Variants in TNFRSF8 observed in about 807,000 individuals in gnomAD.
TNFRSF8 encodes TNF receptor superfamily member 8.
TNFRSF8 carries 26 observed loss-of-function variants against 70.8 expected under a neutral mutation model. The ratio of observed to expected loss-of-function variants is 0.37; its 90% CI spans 0.27 to 0.51. The LOEUF is 0.51. Ranked by LOEUF, TNFRSF8 falls within the 20% of genes least tolerant of loss-of-function variation. TNFRSF8 has a pLI of 0.94. For missense variants in TNFRSF8, 720 were observed against 807.9 expected, an observed-to-expected ratio of 0.89 and a Z score of 1.32; for synonymous variants, 356 against 339.2, an observed-to-expected ratio of 1.05 and a Z score of -0.54.
chr1:12,132,792 C>A (rs1402448129), intron 12 of TNFRSF8, among the ~76,000 whole-genome samples: 1 of 132,792 alleles, frequency 7.5e-6, no homozygotes, highest in African/African-American at 2.8e-5. Context: ...GAGCTGAGAA[C>A]GTGCCACTAC....
chr1:12,098,365 G>A (rs764632077), intron 3 of TNFRSF8, among the ~76,000 whole-genome samples: 10 of 152,008 alleles, frequency 6.6e-5, no homozygotes, highest in Non-Finnish European at 1.5e-4. Flanking sequence ...TAAAATTCAA[G>A]CAATACAAAG....
At chr1:12,101,409 A>ATTC (rs937838007) in intron 3 of TNFRSF8, among the ~76,000 whole-genome samples, 1 of 149,880 alleles carries the variant, frequency 6.7e-6, no homozygotes, top group Non-Finnish European at 1.5e-5. Flanking sequence ...CCTGGGCAAC[A>ATTC]GAGCAAGACC....
At position 12,108,003 on chromosome 1, in the gene TNFRSF8, G is replaced by A. The variant is rs972495495; in HGVS notation, c.422-1563G>A. Among the ~76,000 whole-genome samples, 3 of 151,862 alleles carry A rather than the reference G, an allele frequency of 2.0e-5. No individual in the cohort carries two copies. The highest frequency in any genetic ancestry group is 7.2e-5 in the African/African-American group (3 of 41,384). ...ATCACTCCACCATGCCACAGAACAC[G>A]AGAGGTCAGCATTGCTCGCGCTCAC... On this transcript the variant is annotated intron_variant, in intron 4 of 14. Coordinates refer to ENST00000263932, the MANE Select transcript of TNFRSF8 (RefSeq NM_001243.5). The surrounding 1 kb of genome is among the most constrained non-coding windows in gnomAD (Gnocchi z 4.0).
rs956612103 is a variant in TNFRSF8 at position 12,110,334 on chromosome 1, G to A, written c.676+130G>A. The stretch of plus-strand genomic sequence containing the variant: ...TTCCTGGTGGGGAGAGAAGACGGTG[G>A]TAAGGTATGATCTAGGGCTGAAAGC... On this transcript the variant is annotated intron_variant, in intron 6 of 14. Transcript: ENST00000263932. The surrounding 1 kb of genome is among the most constrained non-coding windows in gnomAD (Gnocchi z 4.0). 1.1e-5 allele frequency: 11 copies of A among 985,820 alleles called. No homozygotes were observed. The East Asian group carries it at 2.2e-4, about 20-fold the overall frequency. The allele number at this position is 985,820 out of a possible 1,614,324, so 61.1% of individuals were successfully genotyped here. A position where few individuals can be genotyped will look rare whatever the true frequency, so the allele number is the denominator to read the frequency against.
At chr1:12,075,652 T>A (rs1400473836) in intron 1 of TNFRSF8, among the ~76,000 whole-genome samples, 4 of 152,224 alleles carry the variant, frequency 2.6e-5, no homozygotes, top group Non-Finnish European at 4.4e-5. Context: ...TAAGGAGACG[T>A]ATATGAGCAC....
rs551044812 is a variant in TNFRSF8 at position 12,108,330 on chromosome 1, G to A, written c.422-1236G>A. Reference sequence around the variant, plus strand: ...CCTGACCTCATGATCCGCCCACCTCGGCCTCCCAAAGTGTTGGGATTACAG... The same window carrying A: ...CCTGACCTCATGATCCGCCCACCTCAGCCTCCCAAAGTGTTGGGATTACAG... On this transcript the variant is annotated intron_variant, in intron 4 of 14. Transcript: ENST00000263932. The surrounding 1 kb of genome is among the most constrained non-coding windows in gnomAD (Gnocchi z 4.0). Among the ~76,000 whole-genome samples, 4 of 151,540 alleles carry A rather than the reference G, an allele frequency of 2.6e-5. No individual in the cohort carries two copies. The highest frequency in any genetic ancestry group is 5.9e-5 in the Non-Finnish European group (4 of 67,902).
chr1:12,111,338 C>T (rs1641626331), intron 6 of TNFRSF8, among the ~76,000 whole-genome samples: 1 of 152,036 alleles, frequency 6.6e-6, no homozygotes, highest in South Asian at 2.1e-4. Flanking sequence ...CCTGCCACCA[C>T]ATTTGGCTAC....
intron 2 of TNFRSF8, among the ~76,000 whole-genome samples, chr1:12,093,226 TG>T (rs1161927224): frequency 6.6e-6 from 1 of 152,178 alleles, no homozygotes; most frequent in Non-Finnish European, 1.5e-5. Context: ...CCTGAGGTAC[TG>T]GGGGTTAGGA....
Position 12,109,428 on chromosome 1 carries a change from G to A in TNFRSF8, c.422-138G>A, listed in dbSNP as rs1327673565. 1 of 634,006 alleles carries A rather than the reference G, an allele frequency of 1.6e-6. No individual in the cohort carries two copies. The highest frequency in any genetic ancestry group is 2.8e-6 in the Non-Finnish European group (1 of 361,590). The allele number at this position is 634,006 out of a possible 1,614,324, so 39.3% of individuals were successfully genotyped here. A position where few individuals can be genotyped will look rare whatever the true frequency, so the allele number is the denominator to read the frequency against. On this transcript the variant is annotated intron_variant, in intron 4 of 14. Coordinates refer to ENST00000263932, the MANE Select transcript of TNFRSF8 (RefSeq NM_001243.5). This position sits in a 1 kb window ranked among gnomAD's most constrained non-coding sequence, Gnocchi z 4.4. The stretch of plus-strand genomic sequence containing the variant: ...TACTCTGAAGGGGAACGGGTGCCAG[G>A]CGGGTGCCACCTCCAGATGACTGCT...
At position 12,123,805 on chromosome 1, in the gene TNFRSF8, G is replaced by C; in HGVS notation, c.1131G>C (p.Thr377=). 1.9e-6 allele frequency: 3 copies of C among 1,571,664 alleles called. No homozygotes were observed. Among genetic ancestry groups the C allele is most frequent in the Admixed American group, 1.9e-5 (1 of 53,988 alleles). Residue 377 remains threonine, a synonymous_variant, in exon 10 of 15, where the codon ACG becomes ACC. Transcript: ENST00000263932. ...GCGCTCCCGTCGCTCTCTCCTCCAC[G>C]GGGAAGCCCGTTCTGGATGCAGGTA... The part of the protein sequence containing the change: ...PTSAPVALSS[T]GKPVLDAGPV...
At chr1:12,128,329 A>G (rs560611851) in intron 12 of TNFRSF8, among the ~76,000 whole-genome samples, 2 of 152,308 alleles carry the variant, frequency 1.3e-5, no homozygotes, top group East Asian at 1.9e-4. Flanking sequence ...CCTGGGGCAG[A>G]GGGTGCTCTT....
intron 12 of TNFRSF8, 59 bp downstream of exon 12, chr1:12,126,295 G>T: frequency 6.2e-7 from 1 of 1,602,788 alleles, no homozygotes; most frequent in Non-Finnish European, 8.5e-7. Context: ...GGCAGCTCTG[G>T]GCCCGGGGCG....
intron 3 of TNFRSF8, 77 bp from the exon 4 acceptor site, chr1:12,104,301 CT>C: frequency 6.4e-7 from 1 of 1,552,468 alleles, no homozygotes; most frequent in Non-Finnish European, 8.9e-7. Context: ...CACCTGCCCT[CT>C]CCCCCTCATC....
intron 12 of TNFRSF8, among the ~76,000 whole-genome samples, chr1:12,135,124 G>A (rs548307127): frequency 6.6e-6 from 1 of 152,044 alleles, no homozygotes; most frequent in South Asian, 2.1e-4. Context: ...GACCGGCCTG[G>A]CCAACGTGGT....
At chr1:12,073,251 A>G (rs1640878830) in intron 1 of TNFRSF8, among the ~76,000 whole-genome samples, 3 of 152,152 alleles carry the variant, frequency 2.0e-5, no homozygotes, top group Non-Finnish European at 4.4e-5. Flanking sequence ...GGTGACCGCA[A>G]GGCCCTGTCT....
At chr1:12,093,080 G>C (rs1641272935) in intron 2 of TNFRSF8, among the ~76,000 whole-genome samples, 1 of 151,792 alleles carries the variant, frequency 6.6e-6, no homozygotes, top group African/African-American at 2.4e-5. Context: ...TGCTGGGATT[G>C]CAAGCGTGAG....
In TNFRSF8 at chr1:12,104,439, C is replaced by T. The variant is rs141516508; in HGVS notation, c.329C>T (p.Pro110Leu). 1.5e-5 allele frequency: 25 copies of T among 1,614,136 alleles called. No homozygotes were observed. The highest frequency in any genetic ancestry group is 1.6e-4 in the Middle Eastern group (1 of 6,062). ...TCCTCCCGTGTCTGCGAATGTCGAC[C>T]CGGCATGTTCTGTTCCACGTCTGCC... ...WNSSRVCECR[P>L]GMFCSTSAVN... Residue 110 changes from proline to leucine, a missense_variant, in exon 4 of 15, where the codon CCC (proline) becomes CTC (leucine). Physicochemically the swap from Pro to Leu is moderately conservative, Grantham distance 98 (BLOSUM62 -3). Coordinates refer to ENST00000263932, the MANE Select transcript of TNFRSF8 (RefSeq NM_001243.5).
chr1:12,070,559 C>T (rs567934369), intron 1 of TNFRSF8, among the ~76,000 whole-genome samples: 87 of 152,278 alleles, frequency 5.7e-4, no homozygotes, highest in Non-Finnish European at 1.0e-3. Flanking sequence ...TCCCAGGGCT[C>T]AGGTGATCCT....
At chr1:12,074,624 C>G (rs998480474) in intron 1 of TNFRSF8, among the ~76,000 whole-genome samples, 2 of 152,136 alleles carry the variant, frequency 1.3e-5, no homozygotes, top group African/African-American at 2.4e-5. Flanking sequence ...AAAAAAGGTT[C>G]TATGGCCAAC....
Sources: gnomAD v4.1 joint callset for allele counts (sites outside exome capture counted in the v4.1 genomes callset) on GRCh38, gnomAD v4.1.1 for gene constraint, Gnocchi (gnomAD v3.1) non-coding constraint, MANE v1.5 for transcripts, NCBI Gene and HGNC (gene_info 2026-07-23, HGNC 2026-07-21) for gene names.